FAM171A1: variants seen among roughly 807,000 people sequenced by gnomAD.
The protein encoded by FAM171A1 is family with sequence similarity 171 member A1, also known as protein FAM171A1.
FAM171A1 carries 23 observed loss-of-function variants against 74.9 expected under a neutral mutation model. The ratio of observed to expected loss-of-function variants is 0.31; its 90% CI spans 0.22 to 0.44. The LOEUF (loss-of-function observed/expected upper bound fraction) is 0.44. Ranked by LOEUF, FAM171A1 falls within the 20% of genes least tolerant of loss-of-function variation. The pLI, the probability that FAM171A1 is intolerant of heterozygous loss-of-function variation, is 1.00. For synonymous variants in FAM171A1, 527 were observed against 505.7 expected (o/e 1.04, Z -0.57); for missense variants, 1,162 against 1,159.2 (o/e 1.00, Z -0.03).
intron 3 of FAM171A1, among the ~76,000 whole-genome samples, chr10:15,259,416 G>A (rs894115874): frequency 6.6e-6 from 1 of 151,752 alleles, no homozygotes; most frequent in Admixed American, 6.6e-5. Context: ...AACCATCAAC[G>A]GATCTCTCCC....
At chr10:15,367,473 CCT>C (rs2131895329) in intron 1 of FAM171A1, among the ~76,000 whole-genome samples, 1 of 152,340 alleles carries the variant, frequency 6.6e-6, no homozygotes, top group African/African-American at 2.4e-5. Flanking sequence ...AGCCCAGCGG[CCT>C]CTGTGAGTCC....
chr10:15,319,279 G>A (rs1287130664), intron 1 of FAM171A1, among the ~76,000 whole-genome samples: 1 of 152,016 alleles, frequency 6.6e-6, no homozygotes, highest in Non-Finnish European at 1.5e-5. Context: ...AAAATGATAC[G>A]TCTCCTTCCC....
intron 3 of FAM171A1, among the ~76,000 whole-genome samples, chr10:15,270,270 T>C (rs187522782): frequency 3.2e-4 from 48 of 152,268 alleles, no homozygotes; most frequent in African/African-American, 1.1e-3. Flanking sequence ...CCATGGAGCC[T>C]CGCTCACTGC....
chr10:15,351,567 CGATG>C (rs757265914), intron 1 of FAM171A1, among the ~76,000 whole-genome samples: 8 of 146,348 alleles, frequency 5.5e-5, no homozygotes, highest in African/African-American at 2.0e-4. Flanking sequence ...AAAGTAGGGA[CGATG>C]GATGGATGGA....
chr10:15,326,577 G>A (rs1007596139), intron 1 of FAM171A1, among the ~76,000 whole-genome samples: 1 of 151,996 alleles, frequency 6.6e-6, no homozygotes, highest in Non-Finnish European at 1.5e-5. Flanking sequence ...GCCTCCCAAA[G>A]TGCTGGGATT....
intron 1 of FAM171A1, among the ~76,000 whole-genome samples, chr10:15,369,779 G>A (rs1836112107): frequency 6.6e-6 from 1 of 152,228 alleles, no homozygotes; most frequent in South Asian, 2.1e-4. Context: ...GGGGGTTCCA[G>A]CAAGGAGACC....
At chr10:15,309,476 G>C (rs1329976471) in intron 1 of FAM171A1, among the ~76,000 whole-genome samples, 1 of 152,284 alleles carries the variant, frequency 6.6e-6, no homozygotes, top group African/African-American at 2.4e-5. Context: ...CCAGTGTTGG[G>C]ATTACAAGCG....
chr10:15,331,846 T>TATAC lies in FAM171A1; in HGVS notation c.97+39109_97+39110insGTAT, dbSNP rs1554755837. On this transcript the variant is annotated intron_variant, in intron 1 of 7. Coordinates refer to ENST00000378116, the MANE Select transcript of FAM171A1 (RefSeq NM_001010924.2). ...ATATATGTGTGTATATATATGTGTG[T>TATAC]ATATATATGTGTGTATATATATGTG... Among the ~76,000 whole-genome samples, 26 of 45,806 alleles carry TATAC rather than the reference T, an allele frequency of 5.7e-4. 2 individuals carry two copies. The highest frequency in any genetic ancestry group is 5.6e-3 in the East Asian group (4 of 716). 30.1% of individuals were successfully genotyped at this position (45,806 alleles called of 152,430 possible). A position where few individuals can be genotyped will look rare whatever the true frequency, so the allele number is the denominator to read the frequency against.
intron 1 of FAM171A1, among the ~76,000 whole-genome samples, chr10:15,310,905 TG>T (rs1835352701): frequency 6.6e-6 from 1 of 151,862 alleles, no homozygotes; most frequent in African/African-American, 2.4e-5. Flanking sequence ...TCTCTGTACC[TG>T]GAAGGCAGCT....
intron 1 of FAM171A1, among the ~76,000 whole-genome samples, chr10:15,343,409 CA>C (rs751523218): frequency 6.6e-6 from 1 of 152,092 alleles, no homozygotes; most frequent in Non-Finnish European, 1.5e-5. Context: ...TATTGCAATC[CA>C]GGGCGGGAAG....
rs561456312 is a variant in FAM171A1, at chr10:15,361,621, T to C, written c.97+9335A>G. ...TCGCTTGAACTCAGGAGGCAGAGGCTGCAGTGAGCCGAGATTATGCCATGG... is the reference window on the plus strand; with the variant it reads ...TCGCTTGAACTCAGGAGGCAGAGGCCGCAGTGAGCCGAGATTATGCCATGG... On this transcript the variant is annotated intron_variant, in intron 1 of 7. Coordinates refer to ENST00000378116, the MANE Select transcript of FAM171A1 (RefSeq NM_001010924.2). Among the ~76,000 whole-genome samples the C allele has an allele frequency of 1.8e-3, 271 of 152,212 alleles. 2 individuals are homozygous for C. Among genetic ancestry groups the C allele is most frequent in the Middle Eastern group, 0.01 (3 of 294 alleles).
chr10:15,346,343 C>T (rs1835816906), intron 1 of FAM171A1, among the ~76,000 whole-genome samples: 1 of 152,152 alleles, frequency 6.6e-6, no homozygotes, highest in Admixed American at 6.5e-5. Flanking sequence ...AGCAATCCTC[C>T]CGCCTGGCCT....
chr10:15,228,496 C>T lies in FAM171A1; in HGVS notation c.755-7436G>A, dbSNP rs141346734. On this transcript the variant is annotated intron_variant, in intron 5 of 7. Coordinates refer to ENST00000378116, the MANE Select transcript of FAM171A1 (RefSeq NM_001010924.2). ...TAGCTGGGACTACAGGCATGCACCA[C>T]CACATCTGGCTGATTTTTGTATTTT... 4.3e-3 allele frequency among the ~76,000 whole-genome samples: 652 copies of T among 152,146 alleles called. 2 individuals carry two copies. Among genetic ancestry groups the T allele is most frequent in the African/African-American group, 0.015 (608 of 41,502 alleles).
At chr10:15,367,287 A>T (rs1836076206) in intron 1 of FAM171A1, among the ~76,000 whole-genome samples, 1 of 152,222 alleles carries the variant, frequency 6.6e-6, no homozygotes, top group Non-Finnish European at 1.5e-5. Context: ...TGCATGCACT[A>T]TTTTCCTTCT....
At chr10:15,295,781 C>G (rs1465631394) in intron 1 of FAM171A1, among the ~76,000 whole-genome samples, 1 of 152,220 alleles carries the variant, frequency 6.6e-6, no homozygotes. Context: ...CCCCAAGTAG[C>G]CCAGCACTCC....
intron 1 of FAM171A1, among the ~76,000 whole-genome samples, chr10:15,311,341 G>A (rs1835357240): frequency 6.6e-6 from 1 of 152,154 alleles, no homozygotes; most frequent in Non-Finnish European, 1.5e-5. Context: ...ATGACTTAGA[G>A]GGGGAGGAAG....
rs765437683 is a variant in FAM171A1, at chr10:15,254,785, G to T, written c.513C>A (p.Ala171=). The part of the protein sequence containing the change: ...SYSDLTAFLT[A]ASSPSEVDSF... ...TGTCCACCTCCGAAGGGGAGCTGGC[G>T]GCCGTGAGAAACGCGGTCAGGTCAC... Residue 171 remains alanine (A), a synonymous_variant, in exon 4 of 8, where the codon GCC becomes GCA. Coordinates refer to ENST00000378116, the MANE Select transcript of FAM171A1 (RefSeq NM_001010924.2). 6.2e-7 allele frequency: 1 copy of T among 1,614,160 alleles called. No homozygotes were observed. The highest frequency in any genetic ancestry group is 1.1e-5 in the South Asian group (1 of 91,070).
At chr10:15,347,906 T>C (rs540210641) in intron 1 of FAM171A1, among the ~76,000 whole-genome samples, 86 of 151,902 alleles carry the variant, frequency 5.7e-4, no homozygotes, top group Admixed American at 5.1e-3. Flanking sequence ...TGATTTGCGT[T>C]CTACCCCAAT....
At chr10:15,257,202 A>C (rs1834591463) in intron 3 of FAM171A1, among the ~76,000 whole-genome samples, 1 of 152,148 alleles carries the variant, frequency 6.6e-6, no homozygotes. Flanking sequence ...GTGATCCCAG[A>C]GCAGGGAAGG....
Sources: gnomAD v4.1 joint callset for allele counts (sites outside exome capture counted in the v4.1 genomes callset) on GRCh38, gnomAD v4.1.1 for gene constraint, MANE v1.5 for transcripts, NCBI Gene and HGNC (gene_info 2026-07-23, HGNC 2026-07-21) for gene names.